Variants in CCDC6 observed in about 807,000 individuals in gnomAD.
The protein encoded by CCDC6 is coiled-coil domain containing 6, also known as coiled-coil domain-containing protein 6.
A neutral mutation model predicts 56.6 loss-of-function variants in CCDC6; 20 were observed. The ratio of observed to expected loss-of-function variants is 0.35; its 90% CI spans 0.25 to 0.51. The LOEUF is 0.51. CCDC6 is among the 20% of genes least tolerant of loss of function. The pLI, the probability that CCDC6 is intolerant of heterozygous loss-of-function variation, is 0.95. For missense variants in CCDC6, 367 were observed against 601.1 expected, an observed-to-expected ratio of 0.61 and a Z score of 4.07; for synonymous variants, 241 against 234.4, an observed-to-expected ratio of 1.03 and a Z score of -0.26.
At chr10:59,817,986 G>A (rs948307278) in intron 3 of CCDC6, among the ~76,000 whole-genome samples, 8 of 152,148 alleles carry the variant, frequency 5.3e-5, no homozygotes, top group African/African-American at 1.9e-4. Context: ...AAGATGACAT[G>A]ACTCAGGCAG....
At chr10:59,892,293 T>C (rs2071427966) in intron 1 of CCDC6, among the ~76,000 whole-genome samples, 1 of 152,204 alleles carries the variant, frequency 6.6e-6, no homozygotes, top group Non-Finnish European at 1.5e-5. Flanking sequence ...GCTCTGTAAC[T>C]GACCTATAGG....
intron 1 of CCDC6, among the ~76,000 whole-genome samples, chr10:59,901,072 G>A (rs902709541): frequency 6.6e-6 from 1 of 151,906 alleles, no homozygotes; most frequent in Non-Finnish European, 1.5e-5. Context: ...AAAAACAAAC[G>A]GTTTTTAAAA....
At position 59,836,052 on chromosome 10, in the gene CCDC6, TAAAAAAAA is replaced by T. The variant is rs59353306; in HGVS notation, c.454-3407_454-3400del. ...CTGGGTGACAGACTGCGACCCTGTC[TAAAAAAAA>T]AAAAAAAAAAAAAAGCTTGCTTGAG... On this transcript the variant is annotated intron_variant, in intron 2 of 8. Coordinates refer to ENST00000263102, the MANE Select transcript of CCDC6 (RefSeq NM_005436.5). Among the ~76,000 whole-genome samples the T allele has an allele frequency of 2.3e-4, 13 of 57,596 alleles. No homozygotes were observed. In the Admixed American group the frequency reaches 2.6e-3, roughly 12 times the overall value. The allele number at this position is 57,596 out of a possible 152,430, so 37.8% of individuals were successfully genotyped here. A position where few individuals can be genotyped will look rare whatever the true frequency, so the allele number is the denominator to read the frequency against.
intron 1 of CCDC6, 97 bp downstream of exon 1, chr10:59,906,025 A>C: frequency 1.9e-6 from 2 of 1,061,584 alleles, no homozygotes; most frequent in African/African-American, 1.6e-5. Context: ...GGTCCCCGGG[A>C]ATCTGGGGAA....
chr10:59,891,714 CA>C (rs949940411), intron 1 of CCDC6, among the ~76,000 whole-genome samples: 1 of 152,328 alleles, frequency 6.6e-6, no homozygotes, highest in Admixed American at 6.5e-5. Context: ...AGAGGCCCCA[CA>C]ACTCTGATGG....
At chr10:59,831,027 G>C (rs1033161246) in intron 3 of CCDC6, among the ~76,000 whole-genome samples, 2 of 152,164 alleles carry the variant, frequency 1.3e-5, no homozygotes, top group African/African-American at 4.8e-5. Context: ...GTAAATACTT[G>C]GTGTGTCAGG....
At chr10:59,807,782 T>C (rs2070638933) in intron 5 of CCDC6, among the ~76,000 whole-genome samples, 1 of 152,130 alleles carries the variant, frequency 6.6e-6, no homozygotes, top group Non-Finnish European at 1.5e-5. Flanking sequence ...CCATGGGCTC[T>C]GCTCTAGACA....
intron 4 of CCDC6, among the ~76,000 whole-genome samples, chr10:59,813,280 T>C (rs576422813): frequency 1.3e-5 from 2 of 152,304 alleles, no homozygotes; most frequent in East Asian, 3.9e-4. Flanking sequence ...GCAAAACTAA[T>C]TGCAAGGGCA....
At chr10:59,795,015 A>C (rs1009174089) in intron 7 of CCDC6, among the ~76,000 whole-genome samples, 2 of 152,192 alleles carry the variant, frequency 1.3e-5, no homozygotes, top group Non-Finnish European at 2.9e-5. Flanking sequence ...AACTCTTAGA[A>C]GGAAAATAGG....
chr10:59,832,571 T>C lies in CCDC6; in HGVS notation c.536A>G (p.Lys179Arg). 6.2e-7 allele frequency: 1 copy of C among 1,613,772 alleles called. No individual in the cohort carries two copies. Among genetic ancestry groups the C allele is most frequent in the Non-Finnish European group, 8.5e-7 (1 of 1,179,734 alleles). Residue 179 changes from lysine (K) to arginine (R), a missense_variant, in exon 3 of 9, where the codon AAA becomes AGA. Physicochemically the swap from Lys to Arg is conservative, Grantham distance 26. Around this residue, in one of 7 missense-constraint regions of CCDC6, gnomAD observed 31 missense variants for 124.2 expected, o/e 0.25. Transcript: ENST00000263102. The stretch of plus-strand genomic sequence containing the variant: ...AGAAATGGTGTCATTCTCCAGTTTT[T>C]TAATTTTCTTCATCAGTTTGTTGAC... ...FQVNKLMKKIKKLENDTISKQ... is the reference protein window; with the variant it reads ...FQVNKLMKKIRKLENDTISKQ...
intron 1 of CCDC6, among the ~76,000 whole-genome samples, chr10:59,882,792 C>G (rs2071354354): frequency 6.6e-6 from 1 of 152,100 alleles, no homozygotes; most frequent in African/African-American, 2.4e-5. Context: ...AACCCCGCCT[C>G]TAGTAAAAAC....
At chr10:59,838,265 G>C (rs1405210030) in intron 2 of CCDC6, among the ~76,000 whole-genome samples, 1 of 151,890 alleles carries the variant, frequency 6.6e-6, no homozygotes, top group East Asian at 1.9e-4. Context: ...TGTGCCATGT[G>C]CTCATGGCCC....
chr10:59,832,951 A>C (rs1206340003), intron 2 of CCDC6, among the ~76,000 whole-genome samples: 1 of 152,230 alleles, frequency 6.6e-6, no homozygotes, highest in Non-Finnish European at 1.5e-5. Context: ...TTTCATACCA[A>C]TTTTTATTAA....
chr10:59,847,415 A>C (rs912609379), intron 2 of CCDC6, among the ~76,000 whole-genome samples: 4 of 152,124 alleles, frequency 2.6e-5, no homozygotes, highest in Non-Finnish European at 5.9e-5. Context: ...TGAATCATAC[A>C]AAGACTGACA....
rs1467765338 is a variant in CCDC6 at position 59,789,707 on chromosome 10, A to G, written c.*3210T>C. On this transcript the variant is annotated 3_prime_UTR_variant, in exon 9 of 9. Transcript: ENST00000263102. ...AGTTACACAGAAATATTTCTTCTGT[A>G]CTGATAAGATACAAATATTGAGCTC... The G allele has an allele frequency of 2.7e-5, 6 of 222,744 alleles. No homozygotes were observed. Among genetic ancestry groups the G allele is most frequent in the Admixed American group, 2.3e-4 (4 of 17,396 alleles). 13.8% of individuals were successfully genotyped at this position (222,744 alleles called of 1,614,324 possible).
At chr10:59,896,925 C>T (rs1564760208) in intron 1 of CCDC6, among the ~76,000 whole-genome samples, 1 of 149,930 alleles carries the variant, frequency 6.7e-6, no homozygotes, top group Admixed American at 6.6e-5. Context: ...AAACCCCATG[C>T]ATGCAAGGCT....
intron 1 of CCDC6, among the ~76,000 whole-genome samples, chr10:59,867,745 T>C (rs1481926962): frequency 6.6e-6 from 1 of 152,070 alleles, no homozygotes; most frequent in Non-Finnish European, 1.5e-5. Context: ...TTATCACTAT[T>C]TTGGTAGAGA....
chr10:59,867,570 C>T (rs1684896), intron 1 of CCDC6, among the ~76,000 whole-genome samples: 75,514 of 151,968 alleles, frequency 0.5, 19,810 homozygotes, highest in East Asian at 0.73. Context: ...TTGTTTGTTT[C>T]TGAGACAAGG....
chr10:59,865,605 G>C (rs2071170083), intron 1 of CCDC6, among the ~76,000 whole-genome samples: 2 of 152,110 alleles, frequency 1.3e-5, no homozygotes, highest in East Asian at 3.9e-4. Flanking sequence ...TGTAATCCCA[G>C]CACTTTGGGA....
Sources: gnomAD v4.1 joint callset for allele counts (sites outside exome capture counted in the v4.1 genomes callset) on GRCh38, gnomAD v4.1.1 for gene constraint, gnomAD v4.1.1 regional missense constraint, MANE v1.5 for transcripts, NCBI Gene and HGNC (gene_info 2026-07-23, HGNC 2026-07-21) for gene names.